The following MAP9 variants were observed in gnomAD, a reference collection of about 807,000 sequenced individuals.
MAP9 encodes microtubule-associated protein 9.
In MAP9, 80 loss-of-function variants were observed where a neutral mutation model predicts 75.2. The observed-to-expected ratio is 1.06, with a 90% CI of 0.89 to 1.28. The LOEUF (loss-of-function observed/expected upper bound fraction) is 1.28, where lower values mean the gene tolerates loss of function less well. Among genes scored for constraint, MAP9 ranks in the 50% most tolerant of loss-of-function variants. The probability of loss-of-function intolerance (pLI) is 0.00; values close to 1 mark genes in which losing one functional copy is unlikely to be tolerated. For missense variants in MAP9, 753 were observed against 719.9 expected (o/e 1.05, Z -0.53); for synonymous variants, 235 against 237.3 (o/e 0.99, Z 0.09).
rs1560803319 is a variant in MAP9 at position 155,352,927 on chromosome 4, GTTAAA to G, written c.1668_1672del (p.Leu557CysfsTer3). ...TTTGGATTACCATTTCTCAACAGCA[GTTAAA>G]TTATCTTTCTTTTTCTCGGCAACAG... On this transcript the variant is annotated frameshift_variant, in exon 12 of 14. Coordinates refer to ENST00000311277, the MANE Select transcript of MAP9 (RefSeq NM_001039580.2). LOFTEE classifies it high-confidence loss of function. 6.5e-7 allele frequency: 1 copy of G among 1,533,294 alleles called. No individual in the cohort carries two copies. The highest frequency in any genetic ancestry group is 2.5e-5 in the East Asian group (1 of 40,428). The allele number at this position is 1,533,294 out of a possible 1,614,324, so 95.0% of individuals were successfully genotyped here. A position where few individuals can be genotyped will look rare whatever the true frequency, so the allele number is the denominator to read the frequency against.
chr4:155,354,242 G>C (rs1019128541), intron 10 of MAP9: 6 of 152,094 alleles, frequency 3.9e-5, no homozygotes, highest in Admixed American at 2.6e-4. Flanking sequence ...TTGTCCAGAA[G>C]TTTGACTTTA....
intron 9 of MAP9, among the ~76,000 whole-genome samples, chr4:155,355,432 A>C (rs1731730832): frequency 6.6e-6 from 1 of 152,170 alleles, no homozygotes; most frequent in Non-Finnish European, 1.5e-5. Flanking sequence ...AAGAAGAAAA[A>C]AATGAAAACA....
At position 155,344,936 on chromosome 4, in the gene MAP9, C is replaced by T. The variant is rs889394948; in HGVS notation, c.*2847G>A. On this transcript the variant is annotated 3_prime_UTR_variant, in exon 14 of 14. Transcript: ENST00000311277. ...ATCTCTGCATTCTTTAAGTGATCAACGCAATTTATAAAACCGGAACTTTTA... is the reference window on the plus strand; with the variant it reads ...ATCTCTGCATTCTTTAAGTGATCAATGCAATTTATAAAACCGGAACTTTTA... The T allele has an allele frequency of 1.3e-5, 2 of 151,888 alleles. No homozygotes were observed. Among genetic ancestry groups the T allele is most frequent in the Admixed American group, 6.6e-5 (1 of 15,230 alleles). The allele number at this position is 151,888 out of a possible 1,614,324, so 9.4% of individuals were successfully genotyped here. A position where few individuals can be genotyped will look rare whatever the true frequency, so the allele number is the denominator to read the frequency against.
Position 155,375,631 on chromosome 4 carries a change from G to A in MAP9, c.75+145C>T, listed in dbSNP as rs374362881. The A allele has an allele frequency of 1.3e-5, 6 of 463,836 alleles. No individual in the cohort carries two copies. The South Asian group carries it at 1.5e-4, about 11-fold the overall frequency. The allele number at this position is 463,836 out of a possible 1,614,324, so 28.7% of individuals were successfully genotyped here. The stretch of plus-strand genomic sequence containing the variant: ...ATAGGGGAGTTTGTAATACTGGATG[G>A]AGCCCAAACATGATCATGTGCAAAA... On this transcript the variant is annotated intron_variant, in intron 2 of 13. Transcript: ENST00000311277.
intron 7 of MAP9, among the ~76,000 whole-genome samples, 196 bp from the exon 8 acceptor site, chr4:155,357,715 T>C (rs1186583829): frequency 6.6e-6 from 1 of 152,014 alleles, no homozygotes; most frequent in South Asian, 2.1e-4. Context: ...AAAATAAATA[T>C]ATAAGCAAAC....
intron 5 of MAP9, among the ~76,000 whole-genome samples, chr4:155,366,651 C>T (rs1732346010): frequency 1.3e-5 from 2 of 152,088 alleles, no homozygotes; most frequent in Admixed American, 1.3e-4. Context: ...CATGATAATC[C>T]TAGTCATCAA....
chr4:155,358,026 T>C (rs1397670908), intron 7 of MAP9, among the ~76,000 whole-genome samples: 2 of 152,144 alleles, frequency 1.3e-5, no homozygotes, highest in Non-Finnish European at 2.9e-5. Context: ...GTGAGATCAC[T>C]AGGCAGCGAT....
At chr4:155,368,218 T>C (rs1560814965) in intron 5 of MAP9, 1 of 343,592 alleles carries the variant, frequency 2.9e-6, no homozygotes, top group Non-Finnish European at 5.2e-6. Context: ...AATTCAAAGA[T>C]ACATAAATTT....
chr4:155,353,416 A>C (rs1731616442), intron 10 of MAP9, 76 bp from the exon 11 acceptor site: 1 of 1,152,370 alleles, frequency 8.7e-7, no homozygotes, highest in Non-Finnish European at 1.1e-6. Context: ...CTAGATATAA[A>C]TATACACATA....
intron 8 of MAP9, among the ~76,000 whole-genome samples, chr4:155,356,898 C>T (rs1731815098): frequency 6.6e-6 from 1 of 152,098 alleles, no homozygotes; most frequent in African/African-American, 2.4e-5. Context: ...TTGATTAGCA[C>T]TTATGAGTTA....
rs1354001798 is a variant in MAP9 at position 155,353,293 on chromosome 4, C to T, written c.1428G>A (p.Trp476Ter). The T allele has an allele frequency of 6.2e-7, 1 of 1,604,120 alleles. No homozygotes were observed. The highest frequency in any genetic ancestry group is 1.7e-5 in the Admixed American group (1 of 58,288). Reference protein sequence around the residue: ...REEALASFEAWKAMKEKEAKK... With the variant: ...REEALASFEA ...TTGCTTCCTTTTCTTTCATAGCCTT[C>T]CAGGCCTCAAATGATGCTAATGCTT... The change falls in exon 11 of 14, where the codon TGG (tryptophan) becomes TGA (stop). Residue 476 changes from tryptophan (W) to a stop codon, truncating the protein, a stop_gained. Coordinates refer to ENST00000311277, the MANE Select transcript of MAP9 (RefSeq NM_001039580.2). LOFTEE classifies it high-confidence loss of function.
At chr4:155,361,482 T>C (rs1034870307) in intron 6 of MAP9, among the ~76,000 whole-genome samples, 21 of 152,062 alleles carry the variant, frequency 1.4e-4, no homozygotes, top group Non-Finnish European at 2.9e-5. Context: ...AGAAAAGAAA[T>C]TATGTTAACA....
At chr4:155,366,383 AAATAATACTG>A (rs1732331724) in intron 5 of MAP9, among the ~76,000 whole-genome samples, 1 of 151,904 alleles carries the variant, frequency 6.6e-6, no homozygotes, top group East Asian at 1.9e-4. Flanking sequence ...AAAGTAAAAG[AAATAATACTG>A]AATAATACTG....
Position 155,362,092 on chromosome 4 carries a change from C to T in MAP9, c.758G>A (p.Gly253Glu), listed in dbSNP as rs374468382. Residue 253 changes from glycine to glutamate, a missense_variant, in exon 6 of 14, where the codon GGA (glycine) becomes GAA (glutamate). Gly to Glu is a moderately conservative substitution (Grantham distance 98). Coordinates refer to ENST00000311277, the MANE Select transcript of MAP9 (RefSeq NM_001039580.2). ...CTCAGATCCTGGTGAAAAAGAATCT[C>T]CAAGAATTTGTTTAAGTGATGATGA... is the stretch of plus-strand genomic sequence containing the variant. ...LASSSLKQIL[G>E]DSFSPGSEGN... 3 of 1,599,094 alleles carry T rather than the reference C, an allele frequency of 1.9e-6. No individual in the cohort carries two copies. The highest frequency in any genetic ancestry group is 2.6e-6 in the Non-Finnish European group (3 of 1,175,388).
At position 155,364,117 on chromosome 4, in the gene MAP9, A is replaced by G. The variant is rs187443754; in HGVS notation, c.709-1976T>C. On this transcript the variant is annotated intron_variant, in intron 5 of 13. Coordinates refer to ENST00000311277, the MANE Select transcript of MAP9 (RefSeq NM_001039580.2). ...TTCCTGACAGCATTCAGACAAAATC[A>G]ACACATTATATAGAGAGGACAATGA... Among the ~76,000 whole-genome samples the G allele has an allele frequency of 1.6e-4, 25 of 152,250 alleles. No homozygotes were observed. In the East Asian group the frequency reaches 4.8e-3, roughly 29 times the overall value.
intron 8 of MAP9, 155 bp downstream of exon 8, chr4:155,357,294 G>A (rs1175034129): frequency 9.7e-6 from 6 of 620,996 alleles, no homozygotes; most frequent in East Asian, 2.8e-5. Context: ...TCAACCAAGG[G>A]GTTTTATCAT....
rs1439933814 is a variant in MAP9, at chr4:155,352,646, C to T, written c.1771G>A (p.Glu591Lys). 2.0e-6 allele frequency: 3 copies of T among 1,537,242 alleles called. No individual in the cohort carries two copies. The highest frequency in any genetic ancestry group is 1.9e-5 in the Admixed American group (1 of 53,804). The change falls in exon 13 of 14, where the codon GAG becomes AAG. Residue 591 changes from glutamate (E) to lysine (K), a missense_variant. Physicochemically the swap from Glu to Lys is moderately conservative, Grantham distance 56. Coordinates refer to ENST00000311277, the MANE Select transcript of MAP9 (RefSeq NM_001039580.2). ...EKRKEELKRA[E>K]KKDKDKQAIN... ...GCTTGTTTATCTTTATCTTTTTTCT[C>T]AGCTCTTTTCAGTTCTTCCTTTCTT...
chr4:155,359,187 T>C (rs899867336), intron 7 of MAP9, among the ~76,000 whole-genome samples: 1 of 148,212 alleles, frequency 6.7e-6, no homozygotes, highest in East Asian at 2.0e-4. Context: ...CATCAACATA[T>C]GATTGTATAA....
At chr4:155,369,546 G>A (rs1732503724) in intron 4 of MAP9, among the ~76,000 whole-genome samples, 1 of 152,120 alleles carries the variant, frequency 6.6e-6, no homozygotes, top group Non-Finnish European at 1.5e-5. Flanking sequence ...TCAAGCCTTT[G>A]AGTACCAAGC....
Sources: gnomAD v4.1 joint callset for allele counts (sites outside exome capture counted in the v4.1 genomes callset) on GRCh38, gnomAD v4.1.1 for gene constraint, MANE v1.5 for transcripts, NCBI Gene and HGNC (gene_info 2026-07-23, HGNC 2026-07-21) for gene names.